The following NPHS1 variants were observed in gnomAD, a reference collection of about 807,000 sequenced individuals.
NPHS1 encodes nephrin.
In NPHS1, 107 loss-of-function variants were observed where a neutral mutation model predicts 139.7. The ratio of observed to expected loss-of-function variants is 0.77; its 90% CI spans 0.66 to 0.90. The LOEUF (loss-of-function observed/expected upper bound fraction) is 0.90, where lower values mean the gene tolerates loss of function less well. Among genes scored for constraint, NPHS1 ranks in the 40% least tolerant of loss-of-function variants. The pLI is 0.00. For synonymous variants in NPHS1, 707 were observed against 706.6 expected, an observed-to-expected ratio of 1.00 and a Z score of -0.01; for missense variants, 1,580 against 1,654.2, an observed-to-expected ratio of 0.96 and a Z score of 0.78.
Position 35,826,272 on chromosome 19 carries a change from A to C in NPHS1, c.*242T>G, listed in dbSNP as rs540834951. 3 of 515,898 alleles carry C rather than the reference A, an allele frequency of 5.8e-6. No individual in the cohort carries two copies. The Admixed American group carries it at 9.6e-5, about 16-fold the overall frequency. 32.0% of individuals were successfully genotyped at this position (515,898 alleles called of 1,614,324 possible). ...GCATTTCATTTTTGAGACGACGTTT[A>C]CAATCTGCCCTGTCCTTTTGGAGAA... is the stretch of plus-strand genomic sequence containing the variant. On this transcript the variant is annotated 3_prime_UTR_variant, in exon 29 of 29. Transcript: ENST00000378910.
rs1415664793 is a variant in NPHS1 at position 35,848,368 on chromosome 19, G to A, written c.1200C>T (p.Ser400=). 1 of 1,614,152 alleles carries A rather than the reference G, an allele frequency of 6.2e-7. No individual in the cohort carries two copies. Among genetic ancestry groups the A allele is most frequent in the Admixed American group, 1.7e-5 (1 of 60,014 alleles). The change falls in exon 10 of 29, where the codon TCC becomes TCT. Residue 400 remains serine, a synonymous_variant. Coordinates refer to ENST00000378910, the MANE Select transcript of NPHS1 (RefSeq NM_004646.4). ...CCCGCCGCGCCAGGAATGTCAGGTT[G>A]GACATGGAGATGTGACCGCCATGCA... is the stretch of plus-strand genomic sequence containing the variant. The part of the protein sequence containing the change: ...DGLHGGHISM[S]NLTFLARRED...
At chr19:35,827,134 C>A (rs1043480332) in intron 28 of NPHS1, among the ~76,000 whole-genome samples, 1 of 152,036 alleles carries the variant, frequency 6.6e-6, no homozygotes, top group Non-Finnish European at 1.5e-5. Context: ...CATCACCACA[C>A]CCAGCTAACT....
chr19:35,841,153 C>T (rs556309026), intron 20 of NPHS1, among the ~76,000 whole-genome samples: 26 of 151,774 alleles, frequency 1.7e-4, no homozygotes, highest in Admixed American at 3.3e-4. Flanking sequence ...CTGAGGCGGG[C>T]AGATCACCTG....
intron 9 of NPHS1, 39 bp from the exon 10 acceptor site, chr19:35,848,436 C>A (rs1159933212): frequency 5.0e-6 from 8 of 1,613,880 alleles, no homozygotes; most frequent in South Asian, 4.4e-5. Context: ...GACTGCAGCA[C>A]CCCTATCCAT....
rs1409270832 is a variant in NPHS1 at position 35,845,821 on chromosome 19, CGA to C, written c.1628-25_1628-24del. The C allele has an allele frequency of 2.5e-6, 4 of 1,609,146 alleles. No homozygotes were observed. The South Asian group carries it at 3.3e-5, about 13-fold the overall frequency. ...GAACTGGGAGACGGGGTTGGAGGAGCGAGACTCAGAGGTTAGGGGCGGCCTGG... is the reference window on the plus strand; with the variant it reads ...GAACTGGGAGACGGGGTTGGAGGAGCGACTCAGAGGTTAGGGGCGGCCTGG... On this transcript the variant is annotated intron_variant, in intron 12 of 28. Coordinates refer to ENST00000378910, the MANE Select transcript of NPHS1 (RefSeq NM_004646.4). The surrounding 1 kb of genome is among the most constrained non-coding windows in gnomAD (Gnocchi z 5.5).
rs1279577032 is a variant in NPHS1, at chr19:35,830,968, G to A, written c.3482-12C>T. ...TTCACCTGTGAAACCTGGAGTTGGA[G>A]TGGAAGGGAGACACGATCAAGGCAC... On this transcript the variant is annotated splice_polypyrimidine_tract_variant and intron_variant, in intron 27 of 28. Transcript: ENST00000378910. 6.2e-7 allele frequency: 1 copy of A among 1,608,020 alleles called. No homozygotes were observed. The highest frequency in any genetic ancestry group is 1.1e-5 in the South Asian group (1 of 90,962).
At position 35,848,978 on chromosome 19, in the gene NPHS1, G is replaced by T. The variant is rs1233824571; in HGVS notation, c.1010C>A (p.Thr337Asn). ...TQEHGITLQV[T>N]FPPSAIIILG... ...GGGCAGCTGGCACCAGGACTCACAGGTGACCTGCAGTGTGATGCCGTGCTC... is the reference window on the plus strand; with the variant it reads ...GGGCAGCTGGCACCAGGACTCACAGTTGACCTGCAGTGTGATGCCGTGCTC... Residue 337 changes from threonine to asparagine, a missense_variant and splice_region_variant, in exon 8 of 29, where the codon ACC becomes AAC. By Grantham distance (65) the Thr-to-Asn change is moderately conservative (BLOSUM62 0). Transcript: ENST00000378910. The T allele has an allele frequency of 1.2e-6, 2 of 1,611,554 alleles. No individual in the cohort carries two copies. The highest frequency in any genetic ancestry group is 1.7e-6 in the Non-Finnish European group (2 of 1,180,034).
chr19:35,826,583 C>A lies in NPHS1; in HGVS notation c.3657G>T (p.Gln1219His), dbSNP rs943926146. The change falls in exon 29 of 29, where the codon CAG becomes CAT. Residue 1219 changes from glutamine to histidine, a missense_variant. By Grantham distance (24) the Gln-to-His change is conservative (BLOSUM62 0). Coordinates refer to ENST00000378910, the MANE Select transcript of NPHS1 (RefSeq NM_004646.4). ...TYQDPRGIYDQVAGDLDTLEP... is the reference protein window; with the variant it reads ...TYQDPRGIYDHVAGDLDTLEP... ...CCAGAGTGTCCAAGTCTCCGGCCAC[C>A]TGGTCATAGATTCCTCTTGGATCCT... 1 of 1,614,064 alleles carries A rather than the reference C, an allele frequency of 6.2e-7. No homozygotes were observed.
In NPHS1 at chr19:35,843,540, A is replaced by G; in HGVS notation, c.2266T>C (p.Ser756Pro). ...QDPTEVNVGG[S>P]VDIVCTVDAN... ...TCGACAGTGCAGACTATGTCCACAG[A>G]ACCCCCGACGTTCACCTCAGTGGGG... The change falls in exon 17 of 29, where the codon TCT (serine) becomes CCT (proline). Residue 756 changes from serine to proline, a missense_variant. By Grantham distance (74) the Ser-to-Pro change is moderately conservative. Coordinates refer to ENST00000378910, the MANE Select transcript of NPHS1 (RefSeq NM_004646.4). The G allele has an allele frequency of 6.2e-7, 1 of 1,614,132 alleles. No homozygotes were observed. Among genetic ancestry groups the G allele is most frequent in the Non-Finnish European group, 8.5e-7 (1 of 1,179,998 alleles).
At chr19:35,840,153 G>A (rs890119046) in intron 20 of NPHS1, among the ~76,000 whole-genome samples, 7 of 150,192 alleles carry the variant, frequency 4.7e-5, no homozygotes, top group South Asian at 2.1e-4. Flanking sequence ...ACAGGTGCCC[G>A]CCACCATGCC....
At chr19:35,846,429 T>G (rs975245675) in intron 11 of NPHS1, among the ~76,000 whole-genome samples, 7 of 152,216 alleles carry the variant, frequency 4.6e-5, no homozygotes, top group Admixed American at 1.3e-4. Flanking sequence ...ATGGCAGTTT[T>G]GGGGATCTGA....
intron 28 of NPHS1, among the ~76,000 whole-genome samples, chr19:35,828,475 A>G (rs948628364): frequency 4.6e-5 from 7 of 152,186 alleles, no homozygotes; most frequent in Admixed American, 2.0e-4. Context: ...CATGTTGGTC[A>G]GGCTGGTCTC....
Position 35,850,372 on chromosome 19 carries a change from GGCCTCCACAGT to G in NPHS1, c.589_599del (p.Thr197HisfsTer11). On this transcript the variant is annotated frameshift_variant, in exon 5 of 29. Transcript: ENST00000378910. LOFTEE classifies it high-confidence loss of function. ...TGTTTCAGTTTCCACACCTGGCTGTGGCCTCCACAGTGAAGAGTTTCTGCTGGGAGCCCTCG... is the reference window on the plus strand; with the variant it reads ...TGTTTCAGTTTCCACACCTGGCTGTGGAAGAGTTTCTGCTGGGAGCCCTCG... 1.2e-6 allele frequency: 2 copies of G among 1,613,818 alleles called. No individual in the cohort carries two copies. The highest frequency in any genetic ancestry group is 1.7e-6 in the Non-Finnish European group (2 of 1,179,724).
chr19:35,841,920 T>C, intron 19 of NPHS1, 54 bp from the exon 20 acceptor site: 1 of 1,544,412 alleles, frequency 6.5e-7, no homozygotes, highest in Non-Finnish European at 8.8e-7. Flanking sequence ...CCACTTATGC[T>C]TGGAATCATC....
chr19:35,831,496 G>T lies in NPHS1; in HGVS notation c.3291C>A (p.Ile1097=), dbSNP rs1478964364. 2 of 1,613,854 alleles carry T rather than the reference G, an allele frequency of 1.2e-6. No individual in the cohort carries two copies. Among genetic ancestry groups the T allele is most frequent in the South Asian group, 2.2e-5 (2 of 91,056 alleles). The change falls in exon 25 of 29, where the codon ATC becomes ATA. Residue 1097 remains isoleucine (I), a synonymous_variant. Coordinates refer to ENST00000378910, the MANE Select transcript of NPHS1 (RefSeq NM_004646.4). ...CTTACCCTGCCTCTGTCTTCTCTGAGATGCCTGAAGGAAACAGGAATAAAG... is the reference window on the plus strand; with the variant it reads ...CTTACCCTGCCTCTGTCTTCTCTGATATGCCTGAAGGAAACAGGAATAAAG... ...QRRLRRLAEG[I]SEKTEAGSEE...
At chr19:35,840,629 C>T (rs557771236) in intron 20 of NPHS1, among the ~76,000 whole-genome samples, 14 of 150,140 alleles carry the variant, frequency 9.3e-5, no homozygotes, top group African/African-American at 3.2e-4. Context: ...CCACTGCACC[C>T]GGCAGTTAGG....
At chr19:35,844,703 G>A (rs1016660093) in intron 14 of NPHS1, among the ~76,000 whole-genome samples, 2 of 152,114 alleles carry the variant, frequency 1.3e-5, no homozygotes, top group African/African-American at 4.8e-5. Flanking sequence ...TCATGAGGGG[G>A]GTTAGGAGAG....
chr19:35,851,790 C>T lies in NPHS1; in HGVS notation c.48G>A (p.Leu16=), dbSNP rs949171070. ...TGGGATCCCACTCACCTTCAGTCAG[C>T]AGCCCCAGGAGCAGGAGAGAAGCCC... The part of the protein sequence containing the change: ...TLRASLLLLG[L]LTEGLAQLAI... Residue 16 remains leucine (L), a synonymous_variant, in exon 1 of 29, where the codon CTG becomes CTA. Transcript: ENST00000378910. 2.6e-6 allele frequency: 4 copies of T among 1,553,410 alleles called. No individual in the cohort carries two copies. In the African/African-American group the frequency reaches 5.5e-5, roughly 21 times the overall value.
In NPHS1 at chr19:35,849,216, A is replaced by C; in HGVS notation, c.840+20T>G. On this transcript the variant is annotated intron_variant, in intron 7 of 28. Transcript: ENST00000378910. ...AGACCCCACTGTCCCCCCATTCCCC[A>C]TGCCCGCGTTTGCCCTCACCTTCAG... is the stretch of plus-strand genomic sequence containing the variant. 1.2e-6 allele frequency: 2 copies of C among 1,613,660 alleles called. No individual in the cohort carries two copies. The highest frequency in any genetic ancestry group is 1.7e-6 in the Non-Finnish European group (2 of 1,180,002).
Sources: allele counts gnomAD v4.1 joint callset (sites outside exome capture counted in the v4.1 genomes callset), GRCh38; gene constraint gnomAD v4.1.1; non-coding constraint Gnocchi (gnomAD v3.1); transcripts MANE v1.5; gene names NCBI Gene and HGNC (gene_info 2026-07-23, HGNC 2026-07-21).